Variants in SLC35B1 observed in about 807,000 individuals in gnomAD.
The protein encoded by SLC35B1 is ATP/ADP exchanger ER.
Under a neutral mutation model 36.6 loss-of-function variants are expected in SLC35B1, and 27 were observed. The ratio of observed to expected loss-of-function variants is 0.74; its 90% CI spans 0.54 to 1.02. The LOEUF is 1.02. Among genes scored for constraint, SLC35B1 ranks in the 50% least tolerant of loss-of-function variants. The pLI is 0.00. For synonymous variants in SLC35B1, 162 were observed against 152.5 expected, an observed-to-expected ratio of 1.06 and a Z score of -0.46; for missense variants, 321 against 383.2, an observed-to-expected ratio of 0.84 and a Z score of 1.35.
intron 1 of SLC35B1, 54 bp downstream of exon 1, chr17:49,707,676 G>C: frequency 6.3e-7 from 1 of 1,579,876 alleles, no homozygotes; most frequent in Non-Finnish European, 8.6e-7. Flanking sequence ...GAAGGCCCGG[G>C]ATCCCTGTCA....
chr17:49,701,474 T>G lies in SLC35B1; in HGVS notation c.953A>C (p.Lys318Thr). ...TCTCTCTTCCTAGTGGGATGTCTTC[T>G]TAGCTCCTTTCCCAAACTTGGCATC... ...GLDAKFGKGA[K>T]KTSH Residue 318 changes from lysine to threonine, a missense_variant, in exon 9 of 9, where the codon AAG (lysine) becomes ACG (threonine). Transcript: ENST00000240333. 3 of 1,613,796 alleles carry G rather than the reference T, an allele frequency of 1.9e-6. No individual in the cohort carries two copies. The highest frequency in any genetic ancestry group is 2.5e-6 in the Non-Finnish European group (3 of 1,179,706).
In SLC35B1 at chr17:49,704,246, G is replaced by A. The variant is rs1349736067; in HGVS notation, c.529-20C>T. The A allele has an allele frequency of 1.9e-6, 3 of 1,611,706 alleles. No individual in the cohort carries two copies. Among genetic ancestry groups the A allele is most frequent in the Non-Finnish European group, 2.5e-6 (3 of 1,179,212 alleles). On this transcript the variant is annotated intron_variant, in intron 5 of 8. Transcript: ENST00000240333. ...TAATAGCTGGGAAAGAAAGGGTGCA[G>A]CCTGCAGTGAAGTGGCCAACAGGGC...
In SLC35B1 at chr17:49,707,416, G is replaced by A. The variant is rs765318624; in HGVS notation, c.104+314C>T. 5.0e-5 allele frequency: 72 copies of A among 1,443,714 alleles called. No individual in the cohort carries two copies. In the South Asian group the frequency reaches 8.6e-4, roughly 17 times the overall value. The allele number at this position is 1,443,714 out of a possible 1,614,324, so 89.4% of individuals were successfully genotyped here. On this transcript the variant is annotated intron_variant, in intron 1 of 8. Coordinates refer to ENST00000240333, the MANE Select transcript of SLC35B1 (RefSeq NM_005827.4). ...CGAATAGGTTGTTTGCAAGCATCTG[G>A]GAGTACCAAAAGGGGGCCGACTCGG...
chr17:49,701,589 C>A (rs770225439), intron 8 of SLC35B1, 79 bp from the exon 9 acceptor site: 1 of 1,216,524 alleles, frequency 8.2e-7, no homozygotes, highest in South Asian at 1.2e-5. Flanking sequence ...GTGGGGTAGT[C>A]GGCCTTGTAT....
At chr17:49,706,180 C>T (rs1316228384) in intron 3 of SLC35B1, 24 bp downstream of exon 3, 9 of 1,582,742 alleles carry the variant, frequency 5.7e-6, no homozygotes, top group Non-Finnish European at 7.7e-6. Flanking sequence ...CTGAGCCAAC[C>T]ATCATCCCAC....
chr17:49,707,417 G>T (rs922072839), intron 1 of SLC35B1: 1 of 1,444,816 alleles, frequency 6.9e-7, no homozygotes, highest in Non-Finnish European at 9.2e-7. Context: ...AAGCATCTGG[G>T]AGTACCAAAA....
At position 49,703,206 on chromosome 17, in the gene SLC35B1, C is replaced by A; in HGVS notation, c.744G>T (p.Leu248=). 2 of 1,613,520 alleles carry A rather than the reference C, an allele frequency of 1.2e-6. No individual in the cohort carries two copies. The highest frequency in any genetic ancestry group is 2.2e-5 in the East Asian group (1 of 44,870). Residue 248 remains leucine, a synonymous_variant, in exon 7 of 9, where the codon CTG becomes CTT. Transcript: ENST00000240333. ...AIIYNILLFG[L]TSALGQSFIF... ...CACTCACCTGACCCAGGGCACTGGTCAGCCCAAAGAGCAGGATGTTATAGA... is the reference window on the plus strand; with the variant it reads ...CACTCACCTGACCCAGGGCACTGGTAAGCCCAAAGAGCAGGATGTTATAGA...
chr17:49,705,709 C>A, intron 4 of SLC35B1, 157 bp downstream of exon 4: 1 of 747,264 alleles, frequency 1.3e-6, no homozygotes, highest in Admixed American at 2.0e-5. Context: ...CAAGAAGTGA[C>A]ACAGATGACA....
chr17:49,702,981 C>T lies in SLC35B1; in HGVS notation c.793G>A (p.Gly265Ser). 1.2e-6 allele frequency: 2 copies of T among 1,613,856 alleles called. No individual in the cohort carries two copies. The highest frequency in any genetic ancestry group is 2.2e-5 in the East Asian group (1 of 44,854). The change falls in exon 8 of 9, where the codon GGT becomes AGT. Residue 265 changes from glycine (G) to serine (S), a missense_variant. Gly to Ser is a moderately conservative substitution (Grantham distance 56). Transcript: ENST00000240333. ...SFIFMTVVYFGPLTCSIITTT... is the reference protein window; with the variant it reads ...SFIFMTVVYFSPLTCSIITTT... The stretch of plus-strand genomic sequence containing the variant: ...GTGATGATGGAGCAGGTCAGGGGAC[C>T]AAAATACACAACCGTCATAAAGATG...
Position 49,703,065 on chromosome 17 carries a change from C to G in SLC35B1, c.763-54G>C, listed in dbSNP as rs2073371430. 3 of 1,609,594 alleles carry G rather than the reference C, an allele frequency of 1.9e-6. No individual in the cohort carries two copies. In the South Asian group the frequency reaches 3.3e-5, roughly 18 times the overall value. ...GGGCTTCTGGGTATCTGCCATTGGT[C>G]TAAAGTCTATAAACAGACCTCAGGG... On this transcript the variant is annotated intron_variant, in intron 7 of 8. Coordinates refer to ENST00000240333, the MANE Select transcript of SLC35B1 (RefSeq NM_005827.4).
At position 49,701,520 on chromosome 17, in the gene SLC35B1, G is replaced by C. The variant is rs752094602; in HGVS notation, c.917-10C>G. On this transcript the variant is annotated splice_polypyrimidine_tract_variant and intron_variant, in intron 8 of 8. Coordinates refer to ENST00000240333, the MANE Select transcript of SLC35B1 (RefSeq NM_005827.4). ...GCATCAAGACCAAGACCTATGAAAAGGAAGAAAATGGGCTTAGCCTTATGG... is the reference window on the plus strand; with the variant it reads ...GCATCAAGACCAAGACCTATGAAAACGAAGAAAATGGGCTTAGCCTTATGG... 3 of 1,613,054 alleles carry C rather than the reference G, an allele frequency of 1.9e-6. No homozygotes were observed. The Admixed American group carries it at 5.0e-5, about 27-fold the overall frequency.
intron 6 of SLC35B1, 57 bp from the exon 7 acceptor site, chr17:49,703,351 C>G: frequency 4.1e-5 from 7 of 171,144 alleles, no homozygotes. Flanking sequence ...AATGTGCGCA[C>G]ACACACACAC....
intron 4 of SLC35B1, 116 bp downstream of exon 4, chr17:49,705,750 T>C (rs567874904): frequency 4.7e-4 from 459 of 978,670 alleles, no homozygotes; most frequent in Non-Finnish European, 6.5e-4. Flanking sequence ...TGGGGGAAAG[T>C]CCCTGGAGAC....
rs368247983 is a variant in SLC35B1 at position 49,705,296 on chromosome 17, C to G, written c.371-15G>C. The G allele has an allele frequency of 5.1e-5, 83 of 1,612,956 alleles. No individual in the cohort carries two copies. The Middle Eastern group carries it at 6.6e-4, about 13-fold the overall frequency. On this transcript the variant is annotated splice_polypyrimidine_tract_variant and intron_variant, in intron 4 of 8. Coordinates refer to ENST00000240333, the MANE Select transcript of SLC35B1 (RefSeq NM_005827.4). The stretch of plus-strand genomic sequence containing the variant: ...AAGGAGCATGACTACAGGGAAAAAA[C>G]AGAGTGGAAAATTCAGGCATCCATA...
chr17:49,701,547 G>A lies in SLC35B1; in HGVS notation c.917-37C>T, dbSNP rs949089781. On this transcript the variant is annotated intron_variant, in intron 8 of 8. Transcript: ENST00000240333. ...AAGAAAATGGGCTTAGCCTTATGGG[G>A]GGAAATGAAACTTACCAATGATTGT... is the stretch of plus-strand genomic sequence containing the variant. The A allele has an allele frequency of 1.4e-5, 22 of 1,590,356 alleles. No homozygotes were observed. In the Admixed American group the frequency reaches 3.7e-4, roughly 27 times the overall value.
intron 1 of SLC35B1, chr17:49,707,422 C>T (rs1262796820): frequency 6.9e-6 from 10 of 1,447,380 alleles, no homozygotes; most frequent in South Asian, 1.2e-5. Flanking sequence ...TCTGGGAGTA[C>T]CAAAAGGGGG....
At chr17:49,707,294 G>A in intron 1 of SLC35B1, 1 of 1,454,854 alleles carries the variant, frequency 6.9e-7, no homozygotes, top group Non-Finnish European at 9.1e-7. Context: ...AAGAATACCC[G>A]AAAAAGACGG....
At chr17:49,708,131 C>A (rs996187064), upstream of SLC35B1, 4 of 701,458 alleles carry the variant, frequency 5.7e-6, no homozygotes, top group East Asian at 1.1e-4. Flanking sequence ...TGATCCCTCG[C>A]CCTGGAGATT....
rs2073386880 is a variant in SLC35B1, at chr17:49,704,199, T to G, written c.556A>C (p.Thr186Pro). The change falls in exon 6 of 9, where the codon ACT becomes CCT. Residue 186 changes from threonine (T) to proline (P), a missense_variant. By Grantham distance (38) the Thr-to-Pro change is conservative. Coordinates refer to ENST00000240333, the MANE Select transcript of SLC35B1 (RefSeq NM_005827.4). ...CGCATGTGGTCCTGGGAAACACCAG[T>G]CAGTCCATCCAGGGTCAGCGATAAT... ...LLLSLTLDGL[T>P]GVSQDHMRAH... The G allele has an allele frequency of 1.2e-6, 2 of 1,613,746 alleles. No homozygotes were observed. The highest frequency in any genetic ancestry group is 1.7e-6 in the Non-Finnish European group (2 of 1,179,994).
Sources: gnomAD v4.1 joint callset for allele counts on GRCh38, gnomAD v4.1.1 for gene constraint, MANE v1.5 for transcripts, NCBI Gene and HGNC (gene_info 2026-07-23, HGNC 2026-07-21) for gene names.